The following GRM7 variants were observed in gnomAD, a reference collection of about 807,000 sequenced individuals.
GRM7 encodes the protein glutamate metabotropic receptor 7, also known as metabotropic glutamate receptor 7.
A neutral mutation model predicts 84.5 loss-of-function variants in GRM7; 35 were observed. That is an observed-to-expected ratio of 0.41 (90% confidence interval 0.32 to 0.55). The LOEUF is 0.55. GRM7 is among the 20% of genes least tolerant of loss of function. The pLI is 0.19. For synonymous variants in GRM7, 487 were observed against 455.1 expected (o/e 1.07, Z -0.89); for missense variants, 1,003 against 1,194.6 (o/e 0.84, Z 2.36).
At chr3:7,115,921 G>A (rs1399907001) in intron 1 of GRM7, among the ~76,000 whole-genome samples, 1 of 152,058 alleles carries the variant, frequency 6.6e-6, no homozygotes, top group Admixed American at 6.6e-5. Flanking sequence ...TACAAAACAA[G>A]GATCAGAAAA....
chr3:7,517,730 T>C (rs371660021), intron 7 of GRM7, among the ~76,000 whole-genome samples: 1 of 152,326 alleles, frequency 6.6e-6, no homozygotes, highest in East Asian at 1.9e-4. Context: ...GATTGCCTTT[T>C]AGGTCTTATC....
At chr3:7,592,747 C>G (rs1695855887) in intron 8 of GRM7, among the ~76,000 whole-genome samples, 1 of 152,186 alleles carries the variant, frequency 6.6e-6, no homozygotes, top group South Asian at 2.1e-4. Flanking sequence ...TCATCTTCCT[C>G]TAGCTTCATA....
intron 1 of GRM7, among the ~76,000 whole-genome samples, chr3:7,133,030 C>T (rs1693655168): frequency 6.6e-6 from 1 of 151,844 alleles, no homozygotes; most frequent in Non-Finnish European, 1.5e-5. Flanking sequence ...TCATTCTGTC[C>T]TGGAAAAGTA....
intron 4 of GRM7, among the ~76,000 whole-genome samples, chr3:7,392,016 G>A (rs2125143766): frequency 6.6e-6 from 1 of 152,270 alleles, no homozygotes; most frequent in East Asian, 1.9e-4. Context: ...AGTTTTGGTG[G>A]TGCCACCTTC....
rs576787582 is a variant in GRM7, at chr3:6,950,646, C to A, written c.519+88739C>A. Among the ~76,000 whole-genome samples, 26 of 152,310 alleles carry A rather than the reference C, an allele frequency of 1.7e-4. No homozygotes were observed. In the East Asian group the frequency reaches 2.5e-3, roughly 15 times the overall value. The stretch of plus-strand genomic sequence containing the variant: ...TGTCTTTTGTTTGTCTGTGCCCTGC[C>A]CCCAGAGGTGGAGCCTACAGAGGCA... On this transcript the variant is annotated intron_variant, in intron 1 of 9. Coordinates refer to ENST00000357716, the MANE Select transcript of GRM7 (RefSeq NM_000844.4).
At chr3:6,924,632 T>A (rs1697236739) in intron 1 of GRM7, among the ~76,000 whole-genome samples, 1 of 152,052 alleles carries the variant, frequency 6.6e-6, no homozygotes, top group Non-Finnish European at 1.5e-5. Context: ...GCTTCTTACA[T>A]GGGCAACTCC....
chr3:7,588,194 A>T (rs1257115576), intron 8 of GRM7, among the ~76,000 whole-genome samples: 2 of 152,176 alleles, frequency 1.3e-5, no homozygotes, highest in Admixed American at 1.3e-4. Context: ...CGTTACCACA[A>T]CACTAGTTTC....
intron 2 of GRM7, among the ~76,000 whole-genome samples, chr3:7,232,588 G>A (rs1252595155): frequency 6.6e-6 from 1 of 152,150 alleles, no homozygotes; most frequent in African/African-American, 2.4e-5. Context: ...ACATAATTTT[G>A]AACTTCTGAG....
intron 1 of GRM7, among the ~76,000 whole-genome samples, chr3:6,990,393 C>T (rs986462859): frequency 3.9e-5 from 6 of 152,122 alleles, no homozygotes; most frequent in African/African-American, 1.4e-4. Context: ...TTCTCTAAGT[C>T]TGTTAATACT....
chr3:7,418,974 T>G (rs1264773381), intron 5 of GRM7, among the ~76,000 whole-genome samples: 1 of 152,192 alleles, frequency 6.6e-6, no homozygotes, highest in Non-Finnish European at 1.5e-5. Context: ...TTAAATCAGT[T>G]AATTTAAATA....
intron 2 of GRM7, among the ~76,000 whole-genome samples, chr3:7,208,851 G>A (rs758951272): frequency 6.6e-5 from 10 of 152,126 alleles, no homozygotes; most frequent in African/African-American, 1.9e-4. Context: ...TCCCAAGAGG[G>A]TATAATAGAT....
intron 4 of GRM7, among the ~76,000 whole-genome samples, chr3:7,384,989 G>A (rs1244217099): frequency 6.6e-6 from 1 of 152,108 alleles, no homozygotes; most frequent in Non-Finnish European, 1.5e-5. Flanking sequence ...ACTTTCCTTT[G>A]TAAACTGCCT....
intron 8 of GRM7, among the ~76,000 whole-genome samples, chr3:7,595,174 A>G (rs1330068128): frequency 6.6e-6 from 1 of 152,202 alleles, no homozygotes; most frequent in African/African-American, 2.4e-5. Context: ...TGAAATCTAC[A>G]TAGTAATTGG....
At chr3:7,157,149 T>C (rs1694478258) in intron 2 of GRM7, among the ~76,000 whole-genome samples, 1 of 152,172 alleles carries the variant, frequency 6.6e-6, no homozygotes, top group African/African-American at 2.4e-5. Context: ...CATGGAGGCC[T>C]TCAATTCTGG....
At chr3:7,568,871 C>T (rs113162014) in intron 7 of GRM7, among the ~76,000 whole-genome samples, 3,465 of 152,178 alleles carry the variant, frequency 0.023, 115 homozygotes, top group African/African-American at 0.076. Context: ...CATGCCTGAG[C>T]GCCCCCCCTC....
intron 9 of GRM7, among the ~76,000 whole-genome samples, chr3:7,729,710 T>C (rs577622059): frequency 1.3e-5 from 2 of 151,748 alleles, no homozygotes; most frequent in Non-Finnish European, 2.9e-5. Context: ...GCATCTACTT[T>C]TGTTTTTTGT....
At chr3:7,522,195 T>C (rs1443205560) in intron 7 of GRM7, among the ~76,000 whole-genome samples, 1 of 152,184 alleles carries the variant, frequency 6.6e-6, no homozygotes, top group Non-Finnish European at 1.5e-5. Context: ...CATTGTAACA[T>C]GACTGGACCT....
intron 1 of GRM7, among the ~76,000 whole-genome samples, chr3:7,109,096 G>C (rs1692755580): frequency 6.6e-6 from 1 of 152,034 alleles, no homozygotes; most frequent in African/African-American, 2.4e-5. Flanking sequence ...GAGCATAAAA[G>C]AGGCTGATAT....
At chr3:7,011,275 T>C (rs566747887) in intron 1 of GRM7, among the ~76,000 whole-genome samples, 2 of 152,356 alleles carry the variant, frequency 1.3e-5, no homozygotes, top group African/African-American at 4.8e-5. Flanking sequence ...ATTATTAATG[T>C]AGACATAAGT....
Sources: allele counts gnomAD v4.1 joint callset (sites outside exome capture counted in the v4.1 genomes callset), GRCh38; gene constraint gnomAD v4.1.1; transcripts MANE v1.5; gene names NCBI Gene and HGNC (gene_info 2026-07-23, HGNC 2026-07-21).